MCPH1: variants seen among roughly 807,000 people sequenced by gnomAD.
MCPH1 encodes microcephalin.
In MCPH1, 104 loss-of-function variants were observed where a neutral mutation model predicts 84.5. The observed-to-expected ratio is 1.23, with a 90% CI of 1.05 to 1.45. The LOEUF is 1.45. Ranked by LOEUF, MCPH1 falls within the 40% of genes most tolerant of loss-of-function variation. MCPH1 has a pLI of 0.00. For missense variants in MCPH1, 1,498 were observed against 1,005.7 expected (o/e 1.49, Z -6.62); for synonymous variants, 514 against 366.8 (o/e 1.40, Z -4.58).
intron 12 of MCPH1, among the ~76,000 whole-genome samples, chr8:6,579,087 C>G (rs893045826): frequency 6.6e-6 from 1 of 152,202 alleles, no homozygotes; most frequent in African/African-American, 2.4e-5. Flanking sequence ...CTGCACCAGA[C>G]TGAGCTGTGT....
chr8:6,412,678 A>C (rs1470614226), intron 2 of MCPH1, among the ~76,000 whole-genome samples: 1 of 152,148 alleles, frequency 6.6e-6, no homozygotes, highest in African/African-American at 2.4e-5. Flanking sequence ...TTTAGTGTGT[A>C]CTAAATTTGA....
chr8:6,437,104 T>C (rs910406079), intron 5 of MCPH1, among the ~76,000 whole-genome samples: 9 of 152,358 alleles, frequency 5.9e-5, no homozygotes, highest in Admixed American at 1.3e-4. Context: ...TAAGCAATTA[T>C]GGTCACTAGA....
intron 3 of MCPH1, among the ~76,000 whole-genome samples, chr8:6,419,730 C>T (rs1799889681): frequency 6.6e-6 from 1 of 151,994 alleles, no homozygotes; most frequent in Non-Finnish European, 1.5e-5. Context: ...CCAGGCTGGG[C>T]TCAAGTGATC....
At chr8:6,629,261 G>C (rs1796984567) in intron 13 of MCPH1, among the ~76,000 whole-genome samples, 3 of 152,160 alleles carry the variant, frequency 2.0e-5, no homozygotes, top group Admixed American at 2.0e-4. Flanking sequence ...TCAGGAGTTT[G>C]GGACCAGTGT....
chr8:6,451,407 G>A (rs1272815138), intron 8 of MCPH1, among the ~76,000 whole-genome samples: 5 of 152,220 alleles, frequency 3.3e-5, no homozygotes, highest in Admixed American at 3.3e-4. Context: ...AAAGAACTTA[G>A]CTAAGTAGGG....
rs1332419913 is a variant in MCPH1, at chr8:6,647,605, CA to C, written c.*4557del. On this transcript the variant is annotated 3_prime_UTR_variant, in exon 14 of 14. Coordinates refer to ENST00000344683, the MANE Select transcript of MCPH1 (RefSeq NM_024596.5). ...TTCTAAAAAGCAACAAACTACTAAA[CA>C]CGTGCAACAACATGAATGAGCCTCA... The C allele has an allele frequency of 6.6e-6, 1 of 152,170 alleles. No homozygotes were observed. Among genetic ancestry groups the C allele is most frequent in the Admixed American group, 6.5e-5 (1 of 15,280 alleles). 9.4% of individuals were successfully genotyped at this position (152,170 alleles called of 1,614,324 possible).
At chr8:6,597,228 C>T (rs1400015072) in intron 12 of MCPH1, among the ~76,000 whole-genome samples, 1 of 152,212 alleles carries the variant, frequency 6.6e-6, no homozygotes, top group Non-Finnish European at 1.5e-5. Context: ...GGTCTGGCTG[C>T]TCACAAGGCA....
In MCPH1 at chr8:6,647,055, C is replaced by A. The variant is rs1413909699; in HGVS notation, c.*4006C>A. On this transcript the variant is annotated 3_prime_UTR_variant, in exon 14 of 14. Coordinates refer to ENST00000344683, the MANE Select transcript of MCPH1 (RefSeq NM_024596.5). ...GAAAAAATACTTGCAAATCATATATCTGATAAAGGACTTGTACCCAGACCA... is the reference window on the plus strand; with the variant it reads ...GAAAAAATACTTGCAAATCATATATATGATAAAGGACTTGTACCCAGACCA... 6.6e-6 allele frequency: 1 copy of A among 151,634 alleles called. No homozygotes were observed. The highest frequency in any genetic ancestry group is 1.5e-5 in the Non-Finnish European group (1 of 67,950). The allele number at this position is 151,634 out of a possible 1,614,324, so 9.4% of individuals were successfully genotyped here.
At chr8:6,501,179 T>C (rs1812106606) in intron 12 of MCPH1, 1 of 152,226 alleles carries the variant, frequency 6.6e-6, no homozygotes, top group Admixed American at 6.5e-5. Flanking sequence ...AACAGAGCCT[T>C]GACTTTGCCA....
chr8:6,537,545 C>CATATAT (rs35477464), intron 12 of MCPH1, among the ~76,000 whole-genome samples: 35 of 148,972 alleles, frequency 2.3e-4, no homozygotes, highest in South Asian at 4.2e-4. Flanking sequence ...TTTAATGCAA[C>CATATAT]ATATATATAT....
At chr8:6,638,695 T>C (rs1797730695) in intron 13 of MCPH1, among the ~76,000 whole-genome samples, 1 of 152,178 alleles carries the variant, frequency 6.6e-6, no homozygotes, top group Admixed American at 6.5e-5. Flanking sequence ...CTCTAACATC[T>C]GTCCTACGGC....
At position 6,439,054 on chromosome 8, in the gene MCPH1, T is replaced by A; in HGVS notation, c.538T>A (p.Leu180Ile). 1 of 1,611,712 alleles carries A rather than the reference T, an allele frequency of 6.2e-7. No individual in the cohort carries two copies. Among genetic ancestry groups the A allele is most frequent in the Non-Finnish European group, 8.5e-7 (1 of 1,178,296 alleles). ...SRHHSAMEKR[L>I]QEMKEKRENL... is the part of the protein sequence containing the mutation. ...GCACCACAGCGCAATGGAGAAGAGA[T>A]TACAAGAGATGAAGGAGAAAAGGGA... Residue 180 changes from leucine (L) to isoleucine (I), a missense_variant, in exon 6 of 14, where the codon TTA becomes ATA. By Grantham distance (5) the Leu-to-Ile change is conservative. Coordinates refer to ENST00000344683, the MANE Select transcript of MCPH1 (RefSeq NM_024596.5).
rs114072962 is a variant in MCPH1 at position 6,434,775 on chromosome 8, T to C, written c.322-1273T>C. Reference sequence around the variant, plus strand: ...GTTTACGTGGGTAGCTAGCTACCCATGTAAGCAAATTTGGGCTGGTAGCTT... The same window carrying C: ...GTTTACGTGGGTAGCTAGCTACCCACGTAAGCAAATTTGGGCTGGTAGCTT... On this transcript the variant is annotated intron_variant, in intron 4 of 13. Transcript: ENST00000344683. Among the ~76,000 whole-genome samples the C allele has an allele frequency of 4.4e-3, 677 of 152,296 alleles. 6 individuals carry two copies. Among genetic ancestry groups the C allele is most frequent in the African/African-American group, 0.016 (651 of 41,556 alleles).
At chr8:6,560,276 T>C (rs1481257394) in intron 12 of MCPH1, among the ~76,000 whole-genome samples, 8 of 152,324 alleles carry the variant, frequency 5.3e-5, no homozygotes, top group African/African-American at 1.7e-4. Context: ...AAACCCAGAA[T>C]TGTGCTGCTG....
intron 13 of MCPH1, among the ~76,000 whole-genome samples, chr8:6,629,469 T>A (rs1219699254): frequency 3.3e-5 from 5 of 151,814 alleles, no homozygotes; most frequent in East Asian, 3.9e-4. Flanking sequence ...CTCAAAAAAA[T>A]AAAAATAAAA....
intron 8 of MCPH1, among the ~76,000 whole-genome samples, chr8:6,449,039 G>A (rs1804753145): frequency 6.6e-6 from 1 of 152,174 alleles, no homozygotes; most frequent in Admixed American, 6.5e-5. Context: ...TTCAGACTGA[G>A]TGTTCCCATC....
intron 11 of MCPH1, chr8:6,494,552 T>C (rs1304419711): frequency 6.6e-6 from 1 of 152,226 alleles, no homozygotes. Context: ...ATATCGTTAT[T>C]ATTCAACAAG....
chr8:6,642,962 G>A, intron 13 of MCPH1, 32 bp from the exon 14 acceptor site: 1 of 1,607,118 alleles, frequency 6.2e-7, no homozygotes, highest in Non-Finnish European at 8.5e-7. Flanking sequence ...TGGCTATTAT[G>A]AATGCTAAAC....
chr8:6,563,853 C>G (rs538558249), intron 12 of MCPH1, among the ~76,000 whole-genome samples: 3 of 151,920 alleles, frequency 2.0e-5, no homozygotes, highest in Admixed American at 1.3e-4. Flanking sequence ...GAGCTCTGAC[C>G]TTTATTCTTT....
Sources: allele counts gnomAD v4.1 joint callset (sites outside exome capture counted in the v4.1 genomes callset), GRCh38; gene constraint gnomAD v4.1.1; transcripts MANE v1.5; gene names NCBI Gene and HGNC (gene_info 2026-07-23, HGNC 2026-07-21).